Variants in ZNF286A observed in about 807,000 individuals in gnomAD.
The protein encoded by ZNF286A is zinc finger protein 286A.
Under a neutral mutation model 49.3 loss-of-function variants are expected in ZNF286A, and 34 were observed. That is an observed-to-expected ratio of 0.69 (90% CI 0.52 to 0.92). The LOEUF is 0.92. Ranked by LOEUF, ZNF286A falls within the 40% of genes least tolerant of loss-of-function variation. The pLI is 0.00. For synonymous variants in ZNF286A, 155 were observed against 200.4 expected (o/e 0.77, Z 1.91); for missense variants, 462 against 600.2 (o/e 0.77, Z 2.41).
intron 5 of ZNF286A, chr17:15,709,966 AT>A: frequency 6.8e-7 from 1 of 1,480,610 alleles, no homozygotes; most frequent in Non-Finnish European, 9.0e-7. Flanking sequence ...AGACTTGTTA[AT>A]TTTTGTCAAT....
At position 15,720,438 on chromosome 17, in the gene ZNF286A, C is replaced by T. The variant is rs1323181250; in HGVS notation, c.*3148C>T. 6.7e-6 allele frequency: 1 copy of T among 148,272 alleles called. No homozygotes were observed. The highest frequency in any genetic ancestry group is 6.8e-5 in the Admixed American group (1 of 14,680). 9.2% of individuals were successfully genotyped at this position (148,272 alleles called of 1,614,324 possible). A position where few individuals can be genotyped will look rare whatever the true frequency, so the allele number is the denominator to read the frequency against. ...GGGACGTGACTTCTTTCTGCTCTTGCTTCCATCTGGTGCTGTTTTCTGCAC... is the reference window on the plus strand; with the variant it reads ...GGGACGTGACTTCTTTCTGCTCTTGTTTCCATCTGGTGCTGTTTTCTGCAC... On this transcript the variant is annotated 3_prime_UTR_variant, in exon 6 of 6. Coordinates refer to ENST00000583566, the MANE Select transcript of ZNF286A (RefSeq NM_001130842.2).
chr17:15,706,556 G>C, intron 4 of ZNF286A, 55 bp downstream of exon 4: 1 of 1,329,416 alleles, frequency 7.5e-7, no homozygotes, highest in South Asian at 1.4e-5. Flanking sequence ...TTACTTTAAT[G>C]AAAGTGAAAT....
At chr17:15,711,864 C>G (rs967925121) in intron 5 of ZNF286A, among the ~76,000 whole-genome samples, 3 of 102,032 alleles carry the variant, frequency 2.9e-5, no homozygotes, top group Admixed American at 1.9e-4. Context: ...TAATCTGCCC[C>G]CCCCCCGGCT....
Position 15,717,270 on chromosome 17 carries a change from C to T in ZNF286A, c.1546C>T (p.His516Tyr), listed in dbSNP as rs774733672. The T allele has an allele frequency of 1.9e-6, 3 of 1,591,270 alleles. No homozygotes were observed. In the East Asian group the frequency reaches 6.8e-5, roughly 36 times the overall value. ...ATCTCTCATCAGACATCAAAGAGTT[C>T]ACACTGAAGAGCAACCCTGAAAAAT... ...SSSLIRHQRVHTEEQP is the reference protein window; with the variant it reads ...SSSLIRHQRVYTEEQP Residue 516 changes from histidine to tyrosine, a missense_variant, in exon 6 of 6, where the codon CAC becomes TAC. This residue lies in a region of ZNF286A where 201 missense variants were observed against 311.3 expected (regional missense o/e 0.65). Coordinates refer to ENST00000583566, the MANE Select transcript of ZNF286A (RefSeq NM_001130842.2).
chr17:15,703,312 C>T (rs1420329650), intron 3 of ZNF286A, among the ~76,000 whole-genome samples: 1 of 151,800 alleles, frequency 6.6e-6, no homozygotes, highest in East Asian at 1.9e-4. Context: ...CTGTTAACAG[C>T]ATCAAGGTGA....
At chr17:15,706,016 G>A (rs768481560) in intron 3 of ZNF286A, among the ~76,000 whole-genome samples, 1 of 152,178 alleles carries the variant, frequency 6.6e-6, no homozygotes, top group Non-Finnish European at 1.5e-5. Context: ...TGAGGACTCA[G>A]AGAAGCATTA....
intron 5 of ZNF286A, among the ~76,000 whole-genome samples, chr17:15,713,674 A>G (rs1379914744): frequency 6.6e-6 from 1 of 151,364 alleles, no homozygotes; most frequent in African/African-American, 2.4e-5. Flanking sequence ...CACTAAGTGC[A>G]GATCTTCTTT....
intron 1 of ZNF286A, 41 bp downstream of exon 1, chr17:15,699,818 T>G (rs1989621922): frequency 5.7e-6 from 4 of 702,838 alleles, no homozygotes; most frequent in Non-Finnish European, 1.0e-5. Context: ...CGGCTCGGCC[T>G]CGGCGGTGGT....
At position 15,717,076 on chromosome 17, in the gene ZNF286A, C is replaced by T; in HGVS notation, c.1352C>T (p.Ser451Phe). ...NECGKTFSRS[S>F]NFAKHQRIHI... is the part of the protein sequence containing the mutation. ...TGTGGGAAAACCTTCAGCCGGAGCT[C>T]CAATTTTGCTAAACATCAAAGAATT... is the stretch of plus-strand genomic sequence containing the variant. The change falls in exon 6 of 6, where the codon TCC (serine) becomes TTC (phenylalanine). Residue 451 changes from serine to phenylalanine, a missense_variant. By Grantham distance (155) the Ser-to-Phe change is radical (BLOSUM62 -2). This residue lies in a region of ZNF286A where 201 missense variants were observed against 311.3 expected (regional missense o/e 0.65). Transcript: ENST00000583566. 6.2e-7 allele frequency: 1 copy of T among 1,614,104 alleles called. No homozygotes were observed. Among genetic ancestry groups the T allele is most frequent in the Non-Finnish European group, 8.5e-7 (1 of 1,180,022 alleles).
chr17:15,716,558 A>G lies in ZNF286A; in HGVS notation c.834A>G (p.Lys278=), dbSNP rs749970390. 1.9e-6 allele frequency: 3 copies of G among 1,614,002 alleles called. No individual in the cohort carries two copies. The highest frequency in any genetic ancestry group is 2.5e-6 in the Non-Finnish European group (3 of 1,180,000). ...EKPYTCNECG[K]SFSHRANLTK... ...CCTATACCTGCAATGAATGTGGGAA[A>G]TCTTTTAGCCACAGAGCTAATTTAA... Residue 278 remains lysine, a synonymous_variant, in exon 6 of 6, where the codon AAA becomes AAG. Transcript: ENST00000583566.
In ZNF286A at chr17:15,720,261, T is replaced by G. The variant is rs2240595; in HGVS notation, c.*2971T>G. On this transcript the variant is annotated 3_prime_UTR_variant, in exon 6 of 6. Transcript: ENST00000583566. ...CAATAAATATAGAGTCCCCCACTCC[T>G]GCTTGGTGCTCTCTTTCTCTCTCCT... The G allele has an allele frequency of 0.052, 7,855 of 151,624 alleles. 338 individuals are homozygous for G. The highest frequency in any genetic ancestry group is 0.13 in the East Asian group (643 of 5,142). 9.4% of individuals were successfully genotyped at this position (151,624 alleles called of 1,614,324 possible). A position where few individuals can be genotyped will look rare whatever the true frequency, so the allele number is the denominator to read the frequency against.
intron 5 of ZNF286A, among the ~76,000 whole-genome samples, chr17:15,711,873 CT>C (rs769063767): frequency 4.1e-4 from 33 of 79,900 alleles, no homozygotes; most frequent in Non-Finnish European, 5.2e-4. Context: ...CCCCCCCCGG[CT>C]TTTTTTTTTT....
In ZNF286A at chr17:15,706,560, G is replaced by A. The variant is rs561098137; in HGVS notation, c.241+59G>A. ...TAGGAGCATCATTACTTTAATGAAA[G>A]TGAAATAGCTTAACAAAGCCTTCAC... On this transcript the variant is annotated intron_variant, in intron 4 of 5. Transcript: ENST00000583566. 49 of 1,276,756 alleles carry A rather than the reference G, an allele frequency of 3.8e-5. No homozygotes were observed. In the Admixed American group the frequency reaches 9.5e-4, roughly 25 times the overall value. The allele number at this position is 1,276,756 out of a possible 1,614,324, so 79.1% of individuals were successfully genotyped here.
At chr17:15,709,045 T>C (rs1990450652) in intron 5 of ZNF286A, among the ~76,000 whole-genome samples, 1 of 152,134 alleles carries the variant, frequency 6.6e-6, no homozygotes, top group South Asian at 2.1e-4. Context: ...ATTGTACCAA[T>C]TACATTCCTA....
intron 5 of ZNF286A, among the ~76,000 whole-genome samples, chr17:15,711,863 C>T (rs1220611589): frequency 2.0e-5 from 2 of 100,222 alleles, no homozygotes; most frequent in East Asian, 3.2e-4. Flanking sequence ...GTAATCTGCC[C>T]CCCCCCCGGC....
intron 2 of ZNF286A, chr17:15,700,767 G>C (rs367641165): frequency 0.043 from 17,296 of 398,386 alleles, no homozygotes; most frequent in Admixed American, 0.077. Context: ...GTGGTTGTTA[G>C]ATTTCTGGAT....
intron 4 of ZNF286A, 21 bp from the exon 5 acceptor site, chr17:15,708,134 T>A (rs1990377577): frequency 2.0e-6 from 3 of 1,513,750 alleles, no homozygotes; most frequent in Admixed American, 4.4e-5. Flanking sequence ...TTTCTGTCTT[T>A]TTCTTTTTTT....
Position 15,717,555 on chromosome 17 carries a change from G to C in ZNF286A, c.*265G>C, listed in dbSNP as rs1967131814. The C allele has an allele frequency of 3.7e-6, 2 of 538,668 alleles. 1 individual carries two copies. Among genetic ancestry groups the C allele is most frequent in the South Asian group, 6.0e-5 (2 of 33,470 alleles). 33.4% of individuals were successfully genotyped at this position (538,668 alleles called of 1,614,324 possible). A position where few individuals can be genotyped will look rare whatever the true frequency, so the allele number is the denominator to read the frequency against. On this transcript the variant is annotated 3_prime_UTR_variant, in exon 6 of 6. Transcript: ENST00000583566. The stretch of plus-strand genomic sequence containing the variant: ...CTGTGGAAATTCAAGAAGTCCCTGA[G>C]AGTAGGTAGCAGTACGAACATTGTG...
chr17:15,705,569 C>T (rs1463113542), intron 3 of ZNF286A, among the ~76,000 whole-genome samples: 1 of 151,518 alleles, frequency 6.6e-6, no homozygotes, highest in African/African-American at 2.4e-5. Flanking sequence ...TAAATTATTC[C>T]GTTCTATTTT....
Sources: gnomAD v4.1 joint callset for allele counts (sites outside exome capture counted in the v4.1 genomes callset) on GRCh38, gnomAD v4.1.1 for gene constraint, gnomAD v4.1.1 regional missense constraint, MANE v1.5 for transcripts, NCBI Gene and HGNC (gene_info 2026-07-23, HGNC 2026-07-21) for gene names.